AHI1: variants seen among roughly 807,000 people sequenced by gnomAD.
AHI1 encodes Abelson helper integration site 1.
AHI1 carries 123 observed loss-of-function variants against 149.3 expected under a neutral mutation model. The ratio of observed to expected loss-of-function variants is 0.82; its 90% confidence interval spans 0.71 to 0.96. The LOEUF is 0.96. Ranked by LOEUF, AHI1 falls within the 40% of genes least tolerant of loss-of-function variation. The pLI is 0.00. For synonymous variants in AHI1, 475 were observed against 459.8 expected, an observed-to-expected ratio of 1.03 and a Z score of -0.42; for missense variants, 1,439 against 1,422.7, an observed-to-expected ratio of 1.01 and a Z score of -0.18.
Position 135,429,979 on chromosome 6 carries a change from T to G in AHI1, c.2395A>C (p.Lys799Gln), listed in dbSNP as rs1385597641. Residue 799 changes from lysine (K) to glutamine (Q), a missense_variant, in exon 18 of 29, where the codon AAG (lysine) becomes CAG (glutamine). Lys to Gln is a moderately conservative substitution (Grantham distance 53). Transcript: ENST00000265602. ...INKEIKETEF[K>Q]GIPISYLEIH... is the part of the protein sequence containing the mutation. ...TCCAAATAACTTATTGGAATTCCCT[T>G]AAACTCAGTTTCTTTAATTTCCTAA... 1.3e-6 allele frequency: 2 copies of G among 1,567,102 alleles called. No individual in the cohort carries two copies. Among genetic ancestry groups the G allele is most frequent in the South Asian group, 2.4e-5 (2 of 83,316 alleles).
chr6:135,442,481 C>G, intron 14 of AHI1, 101 bp downstream of exon 14: 1 of 1,285,352 alleles, frequency 7.8e-7, no homozygotes, highest in Non-Finnish European at 1.0e-6. Flanking sequence ...TTTAGTAGTA[C>G]AGGGGATTAC....
intron 26 of AHI1, 123 bp downstream of exon 26, chr6:135,318,396 A>G: frequency 1.4e-6 from 1 of 715,124 alleles, no homozygotes; most frequent in South Asian, 1.9e-5. Context: ...TGATGTTTGT[A>G]CCAAGACATA....
intron 24 of AHI1, among the ~76,000 whole-genome samples, chr6:135,334,136 T>A (rs1789016015): frequency 6.6e-6 from 1 of 152,230 alleles, no homozygotes; most frequent in African/African-American, 2.4e-5. Flanking sequence ...AACTTGACCT[T>A]TGGGCTTCAA....
At chr6:135,485,442 T>C (rs1178973715) in intron 5 of AHI1, among the ~76,000 whole-genome samples, 1 of 152,200 alleles carries the variant, frequency 6.6e-6, no homozygotes, top group Non-Finnish European at 1.5e-5. Context: ...AACTTTAGCC[T>C]AATTTTGCAA....
At chr6:135,438,078 C>T (rs1312853879) in intron 15 of AHI1, among the ~76,000 whole-genome samples, 1 of 152,074 alleles carries the variant, frequency 6.6e-6, no homozygotes, top group African/African-American at 2.4e-5. Flanking sequence ...GAAAAAATCT[C>T]AAGTGTTTAA....
chr6:135,492,526 T>A (rs193151001), intron 3 of AHI1: 7 of 1,131,660 alleles, frequency 6.2e-6, no homozygotes, highest in Non-Finnish European at 1.1e-6. Flanking sequence ...TATTTATATA[T>A]TTGAAACAAA....
chr6:135,458,526 C>T (rs1406973296), intron 8 of AHI1, among the ~76,000 whole-genome samples: 2 of 152,120 alleles, frequency 1.3e-5, no homozygotes, highest in African/African-American at 4.8e-5. Context: ...ACAAAATAGG[C>T]AAAGGTGAAG....
rs1305344511 is a variant in AHI1, at chr6:135,394,891, G to T, written c.2994C>A (p.Asn998Lys). The change falls in exon 23 of 29, where the codon AAC becomes AAA. Residue 998 changes from asparagine to lysine, a missense_variant. By Grantham distance (94) the Asn-to-Lys change is moderately conservative (BLOSUM62 0). Coordinates refer to ENST00000265602, the MANE Select transcript of AHI1 (RefSeq NM_001134831.2). ...EVIRSCAAKVNKNLSFTSPPA... is the reference protein window; with the variant it reads ...EVIRSCAAKVKKNLSFTSPPA... ...GTGGTGAAGTAAATGAGAGATTTTT[G>T]TTGACCTGTATTAGGAAAACAAATC... The T allele has an allele frequency of 8.1e-6, 13 of 1,595,778 alleles. No homozygotes were observed. The Admixed American group carries it at 2.3e-4, about 28-fold the overall frequency.
chr6:135,457,588 C>T lies in AHI1; in HGVS notation c.1057G>A (p.Asp353Asn). The T allele has an allele frequency of 6.2e-7, 1 of 1,613,942 alleles. No homozygotes were observed. Residue 353 changes from aspartate to asparagine, a missense_variant, in exon 9 of 29, where the codon GAT becomes AAT. Transcript: ENST00000265602. ...LVLGVYIHRT[D>N]RLKSDFMISH... ...ATCATAAAATCTGACTTAAGTCTAT[C>T]AGTTCGGTGAATGTAAACTCCCAAG...
rs554885759 is a variant in AHI1 at position 135,339,894 on chromosome 6, A to G, written c.3166-16570T>C. On this transcript the variant is annotated intron_variant, in intron 24 of 28. Coordinates refer to ENST00000265602, the MANE Select transcript of AHI1 (RefSeq NM_001134831.2). ...CAAATGACTGAAGGCCAAAGATAGG[A>G]TCTCAAAAGCAACAAGAATAAAAAA... Among the ~76,000 whole-genome samples the G allele has an allele frequency of 1.9e-4, 29 of 152,326 alleles. 1 individual carries two copies. The highest frequency in any genetic ancestry group is 6.7e-4 in the African/African-American group (28 of 41,560).
chr6:135,390,963 G>C (rs1778400594), intron 23 of AHI1, among the ~76,000 whole-genome samples: 1 of 152,188 alleles, frequency 6.6e-6, no homozygotes, highest in South Asian at 2.1e-4. Flanking sequence ...AAGGCATTTA[G>C]ATGGGCTATG....
intron 5 of AHI1, chr6:135,490,139 T>C (rs748267556): frequency 3.4e-5 from 24 of 716,348 alleles, no homozygotes; most frequent in African/African-American, 7.0e-5. Flanking sequence ...TTCCTTCAAG[T>C]GTGCTGCCAA....
chr6:135,344,882 G>A (rs1016353888), intron 24 of AHI1, among the ~76,000 whole-genome samples: 1 of 149,398 alleles, frequency 6.7e-6, no homozygotes, highest in African/African-American at 2.5e-5. Context: ...CTCCATTTCT[G>A]AAAACCAAAA....
chr6:135,442,442 C>G, intron 14 of AHI1, 140 bp downstream of exon 14: 3 of 916,950 alleles, frequency 3.3e-6, no homozygotes, highest in Non-Finnish European at 4.5e-6. Flanking sequence ...AAAGAACTTT[C>G]TTTGTTTGAA....
intron 22 of AHI1, among the ~76,000 whole-genome samples, chr6:135,402,324 T>A (rs1219523908): frequency 1.3e-5 from 2 of 152,192 alleles, no homozygotes; most frequent in East Asian, 1.9e-4. Context: ...TAGATACATA[T>A]CCCATAGAAA....
intron 24 of AHI1, among the ~76,000 whole-genome samples, chr6:135,341,679 T>C (rs1252260537): frequency 1.3e-5 from 2 of 151,856 alleles, no homozygotes; most frequent in African/African-American, 2.4e-5. Flanking sequence ...CACAGAAAAT[T>C]TCATAATGTA....
At chr6:135,490,318 C>A in intron 5 of AHI1, 1 of 685,836 alleles carries the variant, frequency 1.5e-6, no homozygotes, top group Non-Finnish European at 2.7e-6. Flanking sequence ...CTTCACAATT[C>A]TGGGTTAAAA....
intron 5 of AHI1, among the ~76,000 whole-genome samples, chr6:135,479,209 T>C (rs139616574): frequency 1.8e-3 from 281 of 152,350 alleles, no homozygotes; most frequent in Non-Finnish European, 3.2e-3. Context: ...CACTGCCTAG[T>C]AGATCTGTGA....
intron 24 of AHI1, among the ~76,000 whole-genome samples, chr6:135,356,369 A>G (rs142336837): frequency 1.3e-5 from 2 of 152,350 alleles, no homozygotes; most frequent in African/African-American, 4.8e-5. Context: ...TGGAAATTAG[A>G]TAAAATTACA....
Sources: allele counts gnomAD v4.1 joint callset (sites outside exome capture counted in the v4.1 genomes callset), GRCh38; gene constraint gnomAD v4.1.1; transcripts MANE v1.5; gene names NCBI Gene and HGNC (gene_info 2026-07-23, HGNC 2026-07-21).